Variants in GPHN observed in about 807,000 individuals in gnomAD.
GPHN encodes gephyrin.
A neutral mutation model predicts 95.5 loss-of-function variants in GPHN; 17 were observed. The ratio of observed to expected loss-of-function variants is 0.18; its 90% CI spans 0.12 to 0.27. GPHN has a LOEUF of 0.27. Ranked by LOEUF, GPHN falls within the 10% of genes least tolerant of loss-of-function variation. The pLI, the probability that GPHN is intolerant of heterozygous loss-of-function variation, is 1.00. For missense variants in GPHN, 660 were observed against 978.1 expected (o/e 0.67, Z 4.34); for synonymous variants, 320 against 322.5 (o/e 0.99, Z 0.08).
At chr14:67,582,137 G>A in the GPHN span, 4 of 1,613,766 alleles carry the variant, frequency 2.5e-6, no homozygotes, top group East Asian at 8.9e-5. This position sits in a 1 kb window ranked among gnomAD's most constrained non-coding sequence, Gnocchi z 5.0. Flanking sequence ...TCTCAAACCA[G>A]TAGAGAGATA....
At chr14:66,678,067 AG>A (rs1162040334) in intron 1 of GPHN, among the ~76,000 whole-genome samples, 10 of 152,258 alleles carry the variant, frequency 6.6e-5, no homozygotes, top group East Asian at 5.8e-4. Flanking sequence ...TATATGTCTC[AG>A]GGATGACATT....
the GPHN span, among the ~76,000 whole-genome samples, chr14:67,272,491 TAAA>T: frequency 6.6e-6 from 1 of 152,212 alleles, no homozygotes; most frequent in Non-Finnish European, 1.5e-5. Flanking sequence ...GGCTGGCACA[TAAA>T]GAAGTGCTCA....
At chr14:66,780,617 A>T (rs1177860847) in intron 3 of GPHN, among the ~76,000 whole-genome samples, 1 of 151,904 alleles carries the variant, frequency 6.6e-6, no homozygotes, top group Non-Finnish European at 1.5e-5. Context: ...TTCATGGATG[A>T]TATGTAACAT....
At chr14:66,853,213 A>G (rs1408612345) in intron 4 of GPHN, among the ~76,000 whole-genome samples, 1 of 152,198 alleles carries the variant, frequency 6.6e-6, no homozygotes, top group African/African-American at 2.4e-5. Context: ...CTTTATACTA[A>G]TTTATTTTGA....
the GPHN span, chr14:67,555,977 A>G: frequency 6.6e-7 from 1 of 1,504,786 alleles, no homozygotes; most frequent in Non-Finnish European, 9.1e-7. Flanking sequence ...GGACACATAC[A>G]TCACCAGCAG....
the GPHN span, among the ~76,000 whole-genome samples, chr14:67,554,400 G>A: frequency 4.6e-5 from 7 of 152,078 alleles, no homozygotes; most frequent in Non-Finnish European, 8.8e-5. Flanking sequence ...AGGAGGTTGG[G>A]CTGGAACTTG....
intron 3 of GPHN, chr14:66,823,310 A>G (rs2049071979): frequency 6.6e-6 from 1 of 152,158 alleles, no homozygotes; most frequent in African/African-American, 2.4e-5. Flanking sequence ...TGGTTTTTTT[A>G]TATACCAGAA....
chr14:66,631,216 T>G (rs1457838762), intron 1 of GPHN, among the ~76,000 whole-genome samples: 1 of 151,936 alleles, frequency 6.6e-6, no homozygotes, highest in Non-Finnish European at 1.5e-5. Flanking sequence ...GCCTGGCTAA[T>G]TTTTGTATTT....
the GPHN span, among the ~76,000 whole-genome samples, chr14:67,304,941 G>C: frequency 1.2e-4 from 19 of 152,150 alleles, no homozygotes; most frequent in Admixed American, 3.3e-4. Context: ...TCACAGGTAT[G>C]CTTTATAGTT....
chr14:66,803,511 C>T (rs1186032636), intron 3 of GPHN, among the ~76,000 whole-genome samples: 2 of 152,172 alleles, frequency 1.3e-5, no homozygotes, highest in East Asian at 3.8e-4. Flanking sequence ...CCATCTCACT[C>T]CACCCCTCTC....
chr14:66,707,641 A>T (rs1475911448), intron 2 of GPHN, among the ~76,000 whole-genome samples: 1 of 152,194 alleles, frequency 6.6e-6, no homozygotes, highest in East Asian at 1.9e-4. Context: ...CACGGAGGAG[A>T]ACAACACACA....
intron 1 of GPHN, among the ~76,000 whole-genome samples, chr14:66,622,416 T>G (rs2063347211): frequency 6.6e-6 from 1 of 152,196 alleles, no homozygotes; most frequent in South Asian, 2.1e-4. Flanking sequence ...TGGAGACATT[T>G]TCCCCATTGT....
chr14:66,585,325 T>G (rs1182184190), intron 1 of GPHN, among the ~76,000 whole-genome samples: 1 of 152,120 alleles, frequency 6.6e-6, no homozygotes, highest in Non-Finnish European at 1.5e-5. Context: ...TTTGTTGATC[T>G]TTTCAAAAAA....
the GPHN span, among the ~76,000 whole-genome samples, chr14:67,708,464 G>A: frequency 1.3e-5 from 2 of 152,068 alleles, no homozygotes; most frequent in African/African-American, 4.8e-5. Context: ...ACCTTCTAAG[G>A]AGGACCAAAA....
chr14:67,290,495 C>T, the GPHN span, among the ~76,000 whole-genome samples: 1 of 152,176 alleles, frequency 6.6e-6, no homozygotes, highest in Non-Finnish European at 1.5e-5. Flanking sequence ...TCTCCCACCT[C>T]AGCCTAATGA....
intron 2 of GPHN, among the ~76,000 whole-genome samples, chr14:66,713,349 A>G (rs898600217): frequency 2.0e-5 from 3 of 152,192 alleles, no homozygotes; most frequent in Non-Finnish European, 4.4e-5. Flanking sequence ...ATTCTCTTAC[A>G]TGTGGCTAGC....
At chr14:66,521,678 G>A (rs2139816851) in intron 1 of GPHN, among the ~76,000 whole-genome samples, 1 of 152,086 alleles carries the variant, frequency 6.6e-6, no homozygotes, top group South Asian at 2.1e-4. Context: ...TCTTTTATGA[G>A]GGCACTAATC....
chr14:67,338,785 G>T, the GPHN span: 2 of 1,590,194 alleles, frequency 1.3e-6, no homozygotes, highest in Non-Finnish European at 8.6e-7. Flanking sequence ...GGTGGGGGTG[G>T]ATTTTTTAAA....
chr14:67,198,286 T>A, the GPHN span: 1 of 1,613,880 alleles, frequency 6.2e-7, no homozygotes, highest in Non-Finnish European at 8.5e-7. Flanking sequence ...GCCCCTTTTG[T>A]ATCTCCTCCC....
Sources: allele counts gnomAD v4.1 joint callset (sites outside exome capture counted in the v4.1 genomes callset), GRCh38; gene constraint gnomAD v4.1.1; non-coding constraint Gnocchi (gnomAD v3.1); transcripts MANE v1.5; gene names NCBI Gene and HGNC (gene_info 2026-07-23, HGNC 2026-07-21).